CFAP20DC: variants seen among roughly 807,000 people sequenced by gnomAD.
The protein encoded by CFAP20DC is protein CFAP20DC.
In CFAP20DC, 84 loss-of-function variants were observed where a neutral mutation model predicts 101.7. That is an observed-to-expected ratio of 0.83 (90% CI 0.69 to 0.99). The LOEUF (loss-of-function observed/expected upper bound fraction) is 0.99. Among genes scored for constraint, CFAP20DC ranks in the 50% least tolerant of loss-of-function variants. The pLI, the probability that CFAP20DC is intolerant of heterozygous loss-of-function variation, is 0.00. For missense variants in CFAP20DC, 1,007 were observed against 970.3 expected, an observed-to-expected ratio of 1.04 and a Z score of -0.50; for synonymous variants, 359 against 351.2, an observed-to-expected ratio of 1.02 and a Z score of -0.25.
At position 58,728,634 on chromosome 3, in the gene CFAP20DC, C is replaced by CA. The variant is rs1424372856; in HGVS notation, c.198-11007dup. On this transcript the variant is annotated intron_variant, in intron 3 of 3. Transcript: ENST00000486145. This position sits in a 1 kb window ranked among gnomAD's most constrained non-coding sequence, Gnocchi z 4.7. Reference sequence around the variant, plus strand: ...CTTAAAAACATAAATGAATGAATGTCAGAGTTCCATTCATTTTAGGCTGAT... The same window carrying CA: ...CTTAAAAACATAAATGAATGAATGTCAAGAGTTCCATTCATTTTAGGCTGAT... 1.3e-5 allele frequency among the ~76,000 whole-genome samples: 2 copies of CA among 152,302 alleles called. No homozygotes were observed. The highest frequency in any genetic ancestry group is 2.9e-5 in the Non-Finnish European group (2 of 68,022).
intron 6 of CFAP20DC, among the ~76,000 whole-genome samples, chr3:58,909,785 T>G (rs2083962628): frequency 6.6e-6 from 1 of 152,190 alleles, no homozygotes. Context: ...GTTACATAGG[T>G]AAACATGTGC....
chr3:58,750,292 C>T (rs1232634636), intron 16 of CFAP20DC, among the ~76,000 whole-genome samples: 2 of 152,132 alleles, frequency 1.3e-5, no homozygotes, highest in African/African-American at 2.4e-5. Flanking sequence ...TGCAGTAATT[C>T]CTCCAGCTGC....
At chr3:58,830,181 G>T (rs1037110414) in intron 14 of CFAP20DC, among the ~76,000 whole-genome samples, 2 of 152,184 alleles carry the variant, frequency 1.3e-5, no homozygotes, top group African/African-American at 4.8e-5. Context: ...CTGAAGGTAT[G>T]CAAGGTAGGG....
At chr3:58,865,907 A>C (rs1314261007) in intron 11 of CFAP20DC, among the ~76,000 whole-genome samples, 1 of 152,188 alleles carries the variant, frequency 6.6e-6, no homozygotes, top group African/African-American at 2.4e-5. Context: ...TTTTACCTCA[A>C]GTATTTCCAT....
At position 59,007,826 on chromosome 3, in the gene CFAP20DC, T is replaced by C. The variant is rs1375310028; in HGVS notation, c.278+31731A>G. 6.6e-6 allele frequency among the ~76,000 whole-genome samples: 1 copy of C among 152,164 alleles called. No homozygotes were observed. Among genetic ancestry groups the C allele is most frequent in the African/African-American group, 2.4e-5 (1 of 41,446 alleles). ...CCCTAGGGGAAGTGGGAGAGCACCC[T>C]ATCAAGGAAAAACCCTGTGGGACAA... On this transcript the variant is annotated intron_variant, in intron 4 of 16. Coordinates refer to ENST00000482387, the MANE Select transcript of CFAP20DC (RefSeq NM_001394063.1). The surrounding 1 kb of genome is among the most constrained non-coding windows in gnomAD (Gnocchi z 4.4).
chr3:58,735,615 C>G (rs2067735155), intron 3 of CFAP20DC, among the ~76,000 whole-genome samples: 1 of 152,142 alleles, frequency 6.6e-6, no homozygotes, highest in Non-Finnish European at 1.5e-5. Context: ...CTTGGGGGAG[C>G]TTTTATATAT....
At chr3:59,031,428 C>T (rs2093992802) in intron 4 of CFAP20DC, among the ~76,000 whole-genome samples, 1 of 152,000 alleles carries the variant, frequency 6.6e-6, no homozygotes, top group Admixed American at 6.6e-5. Flanking sequence ...TGGCAGGAAC[C>T]ACTTTTCCCT....
Position 58,903,908 on chromosome 3 carries a change from C to T in CFAP20DC, c.550+9800G>A, listed in dbSNP as rs865808499. 7.2e-5 allele frequency among the ~76,000 whole-genome samples: 11 copies of T among 152,172 alleles called. No homozygotes were observed. The South Asian group carries it at 1.0e-3, about 14-fold the overall frequency. ...CAAATTGTTTTGGTTACTGTAGCTT[C>T]GCAGTAAGTTTTGAAATTGGGAAGT... On this transcript the variant is annotated intron_variant, in intron 6 of 16. Transcript: ENST00000482387.
chr3:58,732,194 G>A lies in CFAP20DC; in HGVS notation c.198-14566C>T, dbSNP rs1176435612. On this transcript the variant is annotated intron_variant, in intron 3 of 3. Coordinates refer to the CFAP20DC transcript ENST00000486145. This position sits in a 1 kb window ranked among gnomAD's most constrained non-coding sequence, Gnocchi z 5.4. ...GAATAAAGCATTCAGCAGAGTCACG[G>A]TCCAAGGCCTACCCTAATGACTCGT... Among the ~76,000 whole-genome samples, 1 of 152,080 alleles carries A rather than the reference G, an allele frequency of 6.6e-6. No individual in the cohort carries two copies. The highest frequency in any genetic ancestry group is 6.5e-5 in the Admixed American group (1 of 15,268).
At chr3:58,807,799 G>C (rs1414162748) in intron 14 of CFAP20DC, among the ~76,000 whole-genome samples, 1 of 152,154 alleles carries the variant, frequency 6.6e-6, no homozygotes, top group Non-Finnish European at 1.5e-5. Flanking sequence ...CAAAGGCAAA[G>C]AAGTTAAAAA....
intron 5 of CFAP20DC, among the ~76,000 whole-genome samples, chr3:58,930,998 G>C (rs2086581289): frequency 6.6e-6 from 1 of 152,178 alleles, no homozygotes; most frequent in Non-Finnish European, 1.5e-5. Context: ...CAAGGGGTCA[G>C]GGAGTTCCCT....
chr3:58,826,861 G>A (rs2076074009), intron 14 of CFAP20DC, among the ~76,000 whole-genome samples: 1 of 152,106 alleles, frequency 6.6e-6, no homozygotes. Context: ...AAGATAACAG[G>A]GACCCAGAGA....
chr3:58,826,847 C>T (rs2076072788), intron 14 of CFAP20DC, among the ~76,000 whole-genome samples: 1 of 152,060 alleles, frequency 6.6e-6, no homozygotes. Flanking sequence ...TGTAATTGAG[C>T]CAGAAGATAA....
chr3:58,982,639 T>G (rs988945763), intron 4 of CFAP20DC, among the ~76,000 whole-genome samples: 1 of 138,864 alleles, frequency 7.2e-6, no homozygotes, highest in African/African-American at 2.7e-5. Context: ...TTCTCACTCA[T>G]AGGCGGGAAT....
At chr3:58,806,265 T>A in intron 15 of CFAP20DC, 130 bp downstream of exon 15, 1 of 664,334 alleles carries the variant, frequency 1.5e-6, no homozygotes, top group Non-Finnish European at 2.7e-6. Flanking sequence ...GTAGATGAAC[T>A]AGGACTTTGA....
intron 14 of CFAP20DC, among the ~76,000 whole-genome samples, chr3:58,823,675 G>C (rs748061769): frequency 1.3e-5 from 2 of 152,050 alleles, no homozygotes; most frequent in African/African-American, 2.4e-5. Context: ...TCAACCACTA[G>C]TCTGTAGTGT....
At chr3:58,905,425 G>A (rs2083498612) in intron 6 of CFAP20DC, among the ~76,000 whole-genome samples, 1 of 152,120 alleles carries the variant, frequency 6.6e-6, no homozygotes, top group African/African-American at 2.4e-5. Context: ...GCCAGCTCAT[G>A]TCTCCTCAGG....
At chr3:58,926,760 A>T (rs969314936) in intron 5 of CFAP20DC, among the ~76,000 whole-genome samples, 3 of 152,202 alleles carry the variant, frequency 2.0e-5, no homozygotes, top group African/African-American at 7.2e-5. Context: ...AATAGCTCCT[A>T]AAGAGTAATT....
chr3:58,891,972 C>T (rs938614173), intron 6 of CFAP20DC, among the ~76,000 whole-genome samples: 1 of 152,190 alleles, frequency 6.6e-6, no homozygotes, highest in Non-Finnish European at 1.5e-5. Context: ...TTGGGTTTTA[C>T]ATTTAAGTCT....
Sources: allele counts gnomAD v4.1 joint callset (sites outside exome capture counted in the v4.1 genomes callset), GRCh38; gene constraint gnomAD v4.1.1; non-coding constraint Gnocchi (gnomAD v3.1); transcripts MANE v1.5; gene names NCBI Gene and HGNC (gene_info 2026-07-23, HGNC 2026-07-21).